The following RGSL1 variants were observed in gnomAD, a reference collection of about 807,000 sequenced individuals.
RGSL1 encodes regulator of G protein signaling like 1.
A neutral mutation model predicts 124.7 loss-of-function variants in RGSL1; 97 were observed. That is an observed-to-expected ratio of 0.78 (90% confidence interval 0.66 to 0.92). RGSL1 has a LOEUF of 0.92. Ranked by LOEUF, RGSL1 falls within the 40% of genes least tolerant of loss-of-function variation. The probability of loss-of-function intolerance (pLI) is 0.00; values close to 1 mark genes in which losing one functional copy is unlikely to be tolerated. For missense variants in RGSL1, 1,233 were observed against 1,288.4 expected (o/e 0.96, Z 0.66); for synonymous variants, 424 against 438.1 (o/e 0.97, Z 0.40).
chr1:182,543,910 T>C (rs1298980342), intron 15 of RGSL1, among the ~76,000 whole-genome samples: 2 of 152,078 alleles, frequency 1.3e-5, no homozygotes, highest in Admixed American at 1.3e-4. Context: ...TTTATCAGTC[T>C]AGCTAAAGGC....
chr1:182,477,966 A>C (rs1654422645), intron 6 of RGSL1, among the ~76,000 whole-genome samples: 1 of 152,246 alleles, frequency 6.6e-6, no homozygotes, highest in Non-Finnish European at 1.5e-5. Flanking sequence ...ATAACATTTC[A>C]CTATCTGACC....
At chr1:182,447,884 G>A (rs1261705319), upstream of RGSL1, 1 of 151,660 alleles carries the variant, frequency 6.6e-6, no homozygotes, top group East Asian at 1.9e-4. Context: ...TGAATGAACA[G>A]GAGCCTAAAA....
chr1:182,468,179 C>G (rs1173540141), intron 4 of RGSL1, among the ~76,000 whole-genome samples: 1 of 152,194 alleles, frequency 6.6e-6, no homozygotes, highest in South Asian at 2.1e-4. Flanking sequence ...GGACTGTAAA[C>G]TAGTTCAACC....
chr1:182,476,081 T>C (rs539075270), intron 6 of RGSL1, among the ~76,000 whole-genome samples: 24 of 152,266 alleles, frequency 1.6e-4, no homozygotes, highest in Admixed American at 3.9e-4. Context: ...TCTGGCATGA[T>C]TTCCAGTATA....
chr1:182,469,679 G>A (rs976842936), intron 4 of RGSL1, among the ~76,000 whole-genome samples: 3 of 152,120 alleles, frequency 2.0e-5, no homozygotes, highest in Non-Finnish European at 4.4e-5. Flanking sequence ...TTGAAAGCAG[G>A]GTCTGGAGAG....
At chr1:182,536,203 G>A (rs1571682362) in intron 14 of RGSL1, among the ~76,000 whole-genome samples, 2 of 152,062 alleles carry the variant, frequency 1.3e-5, no homozygotes, top group South Asian at 4.1e-4. Context: ...TTCACCAATT[G>A]TTACATATTG....
chr1:182,523,208 CTTTTTT>C (rs560766193), intron 10 of RGSL1, among the ~76,000 whole-genome samples: 1 of 147,148 alleles, frequency 6.8e-6, no homozygotes, highest in Admixed American at 6.8e-5. Flanking sequence ...GTTTTTTTTT[CTTTTTT>C]TTTTTTTCTA....
intron 14 of RGSL1, among the ~76,000 whole-genome samples, chr1:182,533,291 T>G (rs959322079): frequency 6.7e-6 from 1 of 149,048 alleles, no homozygotes; most frequent in Admixed American, 6.6e-5. Flanking sequence ...ATTTGTAACT[T>G]GCTTCTTTTT....
chr1:182,548,300 T>G lies in RGSL1; in HGVS notation c.2670-17T>G, dbSNP rs1657545534. ...CATCTTCTCCTCCTGATTTCCTACTTCACATTTCTTTTTTAGATTTAATGA... is the reference window on the plus strand; with the variant it reads ...CATCTTCTCCTCCTGATTTCCTACTGCACATTTCTTTTTTAGATTTAATGA... On this transcript the variant is annotated splice_polypyrimidine_tract_variant and intron_variant, in intron 15 of 21. Transcript: ENST00000294854. 1 of 1,551,596 alleles carries G rather than the reference T, an allele frequency of 6.4e-7. No individual in the cohort carries two copies. Among genetic ancestry groups the G allele is most frequent in the East Asian group, 2.4e-5 (1 of 40,914 alleles).
At chr1:182,484,418 A>C (rs1654935946) in intron 6 of RGSL1, among the ~76,000 whole-genome samples, 1 of 152,156 alleles carries the variant, frequency 6.6e-6, no homozygotes, top group Admixed American at 6.5e-5. Flanking sequence ...CACTGCTTTA[A>C]ATCAAGCATG....
chr1:182,524,550 C>T (rs1017639079), intron 10 of RGSL1, among the ~76,000 whole-genome samples: 38 of 152,180 alleles, frequency 2.5e-4, no homozygotes, highest in Admixed American at 1.6e-3. Flanking sequence ...TGTAAATTAA[C>T]GGAAGGCATT....
At chr1:182,494,373 C>T (rs182748470) in intron 9 of RGSL1, among the ~76,000 whole-genome samples, 105 of 152,354 alleles carry the variant, frequency 6.9e-4, no homozygotes, top group African/African-American at 2.3e-3. Context: ...GATCTCTAGA[C>T]TGGCACTGTC....
At chr1:182,470,604 A>G (rs1017446595) in intron 4 of RGSL1, among the ~76,000 whole-genome samples, 1 of 151,880 alleles carries the variant, frequency 6.6e-6, no homozygotes, top group African/African-American at 2.4e-5. Context: ...CATTTTTTCT[A>G]TTCTGATTAT....
intron 8 of RGSL1, 95 bp downstream of exon 8, chr1:182,489,297 T>TGC: frequency 2.7e-6 from 3 of 1,115,694 alleles, no homozygotes; most frequent in African/African-American, 1.6e-5. Flanking sequence ...GCGTCAGCAC[T>TGC]ATGCAGTGCA....
chr1:182,519,494 T>TTC (rs1553268764), intron 9 of RGSL1, among the ~76,000 whole-genome samples: 1 of 151,766 alleles, frequency 6.6e-6, no homozygotes, highest in African/African-American at 2.4e-5. Flanking sequence ...GTTCTTTTTT[T>TTC]CCCTTGTTTC....
chr1:182,512,720 A>G (rs1053680893), intron 9 of RGSL1, among the ~76,000 whole-genome samples: 7 of 152,150 alleles, frequency 4.6e-5, no homozygotes, highest in African/African-American at 1.7e-4. Flanking sequence ...TCACAAACAG[A>G]TTTGAAGGAT....
At chr1:182,472,360 G>T in intron 4 of RGSL1, 36 bp from the exon 5 acceptor site, 9 of 1,508,204 alleles carry the variant, frequency 6.0e-6, no homozygotes, top group Non-Finnish European at 8.0e-6. Context: ...GGCAAAACTA[G>T]GGTATAGCTC....
At chr1:182,453,200 A>T (rs1018813682) in intron 1 of RGSL1, among the ~76,000 whole-genome samples, 1 of 152,240 alleles carries the variant, frequency 6.6e-6, no homozygotes. Flanking sequence ...GATCAAATTA[A>T]TATTCAAGAA....
chr1:182,512,228 C>T (rs1312386187), intron 9 of RGSL1, among the ~76,000 whole-genome samples: 1 of 152,018 alleles, frequency 6.6e-6, no homozygotes, highest in Non-Finnish European at 1.5e-5. Context: ...TTGTTTTATC[C>T]TCTTGCTAAG....
Sources: gnomAD v4.1 joint callset for allele counts (sites outside exome capture counted in the v4.1 genomes callset) on GRCh38, gnomAD v4.1.1 for gene constraint, MANE v1.5 for transcripts, NCBI Gene and HGNC (gene_info 2026-07-23, HGNC 2026-07-21) for gene names.